PHF20: variants seen among roughly 807,000 people sequenced by gnomAD.
PHF20 encodes the protein glioma-expressed antigen 2.
A neutral mutation model predicts 113.5 loss-of-function variants in PHF20; 23 were observed. The ratio of observed to expected loss-of-function variants is 0.20; its 90% confidence interval spans 0.15 to 0.29. PHF20 has a LOEUF of 0.29. PHF20 is among the 10% of genes least tolerant of loss of function. PHF20 has a pLI of 1.00. For missense variants in PHF20, 943 were observed against 1,219.6 expected, an observed-to-expected ratio of 0.77 and a Z score of 3.38; for synonymous variants, 434 against 457.3, an observed-to-expected ratio of 0.95 and a Z score of 0.65.
At chr20:35,793,060 C>G (rs1031874180) in intron 1 of PHF20, among the ~76,000 whole-genome samples, 3 of 152,170 alleles carry the variant, frequency 2.0e-5, no homozygotes, top group African/African-American at 7.2e-5. Flanking sequence ...GAGGCTTCTT[C>G]CTGGGAGACC....
chr20:35,903,257 G>A (rs888161602), intron 10 of PHF20, among the ~76,000 whole-genome samples: 1 of 151,584 alleles, frequency 6.6e-6, no homozygotes, highest in African/African-American at 2.4e-5. Context: ...TAAAAATAAG[G>A]CCTGCTGTAT....
At chr20:35,936,382 A>T (rs1174998973) in intron 15 of PHF20, among the ~76,000 whole-genome samples, 1 of 152,164 alleles carries the variant, frequency 6.6e-6, no homozygotes, top group African/African-American at 2.4e-5. Flanking sequence ...GAGACGGGAT[A>T]GTTGCAGGCC....
At chr20:35,905,353 C>A (rs1403379008) in intron 10 of PHF20, among the ~76,000 whole-genome samples, 1 of 152,162 alleles carries the variant, frequency 6.6e-6, no homozygotes, top group Admixed American at 6.5e-5. Flanking sequence ...TGAATTGTGT[C>A]CTGCCTTCCT....
chr20:35,921,696 C>CA (rs1555801994), intron 13 of PHF20, among the ~76,000 whole-genome samples: 17 of 140,852 alleles, frequency 1.2e-4, no homozygotes, highest in South Asian at 2.3e-4. Flanking sequence ...CCCTCCCCCC[C>CA]AAAAAAAAGA....
At chr20:35,797,266 A>G (rs917920144) in intron 1 of PHF20, among the ~76,000 whole-genome samples, 1 of 151,800 alleles carries the variant, frequency 6.6e-6, no homozygotes. Flanking sequence ...TAATCCCAGC[A>G]CTTTGGGAGG....
chr20:35,938,702 G>A lies in PHF20; in HGVS notation c.2306G>A (p.Arg769Gln), dbSNP rs779992217. The A allele has an allele frequency of 2.4e-5, 38 of 1,605,260 alleles. No homozygotes were observed. In the East Asian group the frequency reaches 4.9e-4, roughly 21 times the overall value. ...CCTCTTTGTCCTCTCAACAGAAGCC[G>A]GGAGCATCCTGATCTGCCGCTGTGG... ...LQLKMSILQS[R>Q]EHPDLPLWCQ... The change falls in exon 16 of 18, where the codon CGG becomes CAG. Residue 769 changes from arginine (R) to glutamine (Q), a missense_variant. Coordinates refer to ENST00000374012, the MANE Select transcript of PHF20 (RefSeq NM_016436.5).
At chr20:35,937,586 T>A (rs1002499416) in intron 15 of PHF20, among the ~76,000 whole-genome samples, 9 of 151,990 alleles carry the variant, frequency 5.9e-5, no homozygotes, top group Non-Finnish European at 1.5e-5. Flanking sequence ...AGAGAATAGA[T>A]TGTAAATGTT....
intron 12 of PHF20, among the ~76,000 whole-genome samples, chr20:35,915,047 G>GTT (rs1014409040): frequency 2.1e-5 from 3 of 143,002 alleles, no homozygotes; most frequent in Non-Finnish European, 4.5e-5. Context: ...AAGGTAAAAT[G>GTT]TTTTATATAT....
Position 35,880,083 on chromosome 20 carries a change from T to G in PHF20, c.1282+8254T>G, listed in dbSNP as rs567992477. 3.9e-5 allele frequency among the ~76,000 whole-genome samples: 6 copies of G among 152,350 alleles called. No homozygotes were observed. In the East Asian group the frequency reaches 1.2e-3, roughly 29 times the overall value. On this transcript the variant is annotated intron_variant, in intron 9 of 17. Transcript: ENST00000374012. ...TGAGCCTTTACCATATGCCTAGGAC[T>G]GCTAACTGTTGCGTATGCAAAGATG...
At chr20:35,879,554 T>C (rs1461212901) in intron 9 of PHF20, among the ~76,000 whole-genome samples, 3 of 152,172 alleles carry the variant, frequency 2.0e-5, no homozygotes, top group Admixed American at 6.6e-5. Context: ...TTTTGATTAA[T>C]GACCTAAGAG....
At chr20:35,914,557 A>G (rs978752362) in intron 12 of PHF20, among the ~76,000 whole-genome samples, 5 of 152,250 alleles carry the variant, frequency 3.3e-5, no homozygotes, top group African/African-American at 9.6e-5. Context: ...TAAACGATTA[A>G]TAGAATGAAC....
chr20:35,900,764 G>T (rs2055079928), intron 10 of PHF20, among the ~76,000 whole-genome samples: 1 of 152,102 alleles, frequency 6.6e-6, no homozygotes, highest in African/African-American at 2.4e-5. Context: ...TTGAACCCAG[G>T]AGGCAGAGGT....
intron 2 of PHF20, among the ~76,000 whole-genome samples, chr20:35,818,303 A>G (rs546822888): frequency 9.9e-5 from 15 of 151,788 alleles, no homozygotes; most frequent in African/African-American, 3.4e-4. Context: ...AAACAAAACA[A>G]AAAATTAGCT....
intron 6 of PHF20, among the ~76,000 whole-genome samples, chr20:35,864,120 C>G (rs1407630113): frequency 6.6e-6 from 1 of 152,086 alleles, no homozygotes; most frequent in African/African-American, 2.4e-5. Context: ...CTGGACTGAG[C>G]CTGCCATTGA....
chr20:35,907,625 T>C (rs933907575), intron 10 of PHF20, among the ~76,000 whole-genome samples: 3 of 152,256 alleles, frequency 2.0e-5, no homozygotes, highest in African/African-American at 7.2e-5. Context: ...ATTGTCTTAT[T>C]TAGTTATCAG....
intron 4 of PHF20, chr20:35,855,240 G>A: frequency 7.5e-7 from 1 of 1,330,768 alleles, no homozygotes; most frequent in Non-Finnish European, 9.9e-7. Flanking sequence ...TGCTTTGCTT[G>A]CCAACACCCT....
chr20:35,847,233 C>G, intron 3 of PHF20, 117 bp from the exon 4 acceptor site: 1 of 638,490 alleles, frequency 1.6e-6, no homozygotes, highest in Non-Finnish European at 2.7e-6. Flanking sequence ...TCAACAGCTA[C>G]TTTCCCTTCA....
chr20:35,847,405 C>T lies in PHF20; in HGVS notation c.311C>T (p.Pro104Leu), dbSNP rs748952706. 1.4e-5 allele frequency: 22 copies of T among 1,611,896 alleles called. No individual in the cohort carries two copies. The highest frequency in any genetic ancestry group is 2.7e-5 in the African/African-American group (2 of 74,618). ...TGCTGGTCTGATTGTCGTTTTTACCCGGCCAAAGTCACTGCTGTTAACAAG... is the reference window on the plus strand; with the variant it reads ...TGCTGGTCTGATTGTCGTTTTTACCTGGCCAAAGTCACTGCTGTTAACAAG... ...LACWSDCRFY[P>L]AKVTAVNKDG... The change falls in exon 4 of 18, where the codon CCG becomes CTG. Residue 104 changes from proline (P) to leucine (L), a missense_variant. By Grantham distance (98) the Pro-to-Leu change is moderately conservative. This residue lies in a region of PHF20 where 592 missense variants were observed against 787.2 expected (regional missense o/e 0.75). Coordinates refer to ENST00000374012, the MANE Select transcript of PHF20 (RefSeq NM_016436.5).
intron 13 of PHF20, among the ~76,000 whole-genome samples, chr20:35,921,203 A>G (rs930764917): frequency 6.6e-6 from 1 of 152,298 alleles, no homozygotes; most frequent in East Asian, 1.9e-4. Flanking sequence ...TTAATCAGAG[A>G]TGGGAGGACA....
Sources: allele counts gnomAD v4.1 joint callset (sites outside exome capture counted in the v4.1 genomes callset), GRCh38; gene constraint gnomAD v4.1.1; regional missense constraint gnomAD v4.1.1; transcripts MANE v1.5; gene names NCBI Gene and HGNC (gene_info 2026-07-23, HGNC 2026-07-21).